FGF12: variants seen among roughly 807,000 people sequenced by gnomAD.
FGF12 encodes the protein fibroblast growth factor 12.
FGF12 carries 14 observed loss-of-function variants against 23.6 expected under a neutral mutation model. That is an observed-to-expected ratio of 0.59 (90% CI 0.39 to 0.93). The LOEUF is 0.93. Ranked by LOEUF, FGF12 falls within the 40% of genes least tolerant of loss-of-function variation. FGF12 has a pLI of 0.00. For synonymous variants in FGF12, 62 were observed against 77.3 expected (o/e 0.80, Z 1.04); for missense variants, 175 against 217.8 (o/e 0.80, Z 1.24).
intron 3 of FGF12, among the ~76,000 whole-genome samples, chr3:192,343,877 C>T (rs1478224898): frequency 2.6e-5 from 4 of 152,090 alleles, no homozygotes; most frequent in African/African-American, 9.7e-5. Flanking sequence ...ATTGTTGTTA[C>T]TGAATTTAAC....
chr3:192,365,552 T>C (rs7651437), intron 2 of FGF12, among the ~76,000 whole-genome samples: 45,220 of 151,802 alleles, frequency 0.3, 8,050 homozygotes, highest in East Asian at 0.63. Flanking sequence ...CTCTGTACTA[T>C]CTTCACATCT....
intron 5 of FGF12, among the ~76,000 whole-genome samples, chr3:192,169,068 T>A (rs930966820): frequency 6.6e-6 from 1 of 152,094 alleles, no homozygotes; most frequent in Non-Finnish European, 1.5e-5. Context: ...AGGCCAGGCA[T>A]GGTGGCTCAC....
rs991146771 is a variant in FGF12, at chr3:192,327,553, T to C, written c.228+7808A>G. Among the ~76,000 whole-genome samples, 8 of 131,706 alleles carry C rather than the reference T, an allele frequency of 6.1e-5. No homozygotes were observed. In the Admixed American group the frequency reaches 6.4e-4, roughly 11 times the overall value. 86.4% of individuals were successfully genotyped at this position (131,706 alleles called of 152,430 possible). A position where few individuals can be genotyped will look rare whatever the true frequency, so the allele number is the denominator to read the frequency against. ...ATAAAAAGTAAACAAATCATCGCTA[T>C]AGTTTGAAAAAAATAAACCTTTTAA... is the stretch of plus-strand genomic sequence containing the variant. On this transcript the variant is annotated intron_variant, in intron 4 of 5. Transcript: ENST00000445105.
chr3:192,193,457 G>T (rs1716906715), intron 4 of FGF12, among the ~76,000 whole-genome samples: 1 of 152,130 alleles, frequency 6.6e-6, no homozygotes, highest in South Asian at 2.1e-4. Flanking sequence ...CCTCAGCAGT[G>T]ATCCAAGTTT....
At chr3:192,213,776 G>A (rs1718053080) in intron 4 of FGF12, among the ~76,000 whole-genome samples, 1 of 152,212 alleles carries the variant, frequency 6.6e-6, no homozygotes, top group African/African-American at 2.4e-5. Flanking sequence ...TCACAGGCCT[G>A]TGATTCAGCC....
chr3:192,446,514 G>C (rs923885723), intron 2 of FGF12, among the ~76,000 whole-genome samples: 1 of 152,234 alleles, frequency 6.6e-6, no homozygotes, highest in Non-Finnish European at 1.5e-5. Flanking sequence ...ATGACAACAT[G>C]TATCAAATTG....
chr3:192,464,483 C>T (rs1722951223), intron 2 of FGF12, among the ~76,000 whole-genome samples: 1 of 147,364 alleles, frequency 6.8e-6, no homozygotes, highest in Non-Finnish European at 1.5e-5. Context: ...CTTTTTAGGG[C>T]TGAGTAGTAT....
In FGF12 at chr3:192,140,090, A is replaced by C. The variant is rs915357522; in HGVS notation, c.*3919T>G. 1 of 152,074 alleles carries C rather than the reference A, an allele frequency of 6.6e-6. No individual in the cohort carries two copies. Among genetic ancestry groups the C allele is most frequent in the Non-Finnish European group, 1.5e-5 (1 of 67,940 alleles). 9.4% of individuals were successfully genotyped at this position (152,074 alleles called of 1,614,324 possible). A position where few individuals can be genotyped will look rare whatever the true frequency, so the allele number is the denominator to read the frequency against. On this transcript the variant is annotated 3_prime_UTR_variant, in exon 6 of 6. Transcript: ENST00000445105. Reference sequence around the variant, plus strand: ...CAATTTGTACCATCATTAGAAATGTACATTAATGTATAAAGTTTTGCATTC... The same window carrying C: ...CAATTTGTACCATCATTAGAAATGTCCATTAATGTATAAAGTTTTGCATTC...
intron 2 of FGF12, among the ~76,000 whole-genome samples, chr3:192,722,105 C>T (rs993731059): frequency 2.0e-5 from 3 of 152,068 alleles, no homozygotes; most frequent in Non-Finnish European, 4.4e-5. Flanking sequence ...TGTGGCAACT[C>T]GGTATTTTAA....
chr3:192,689,250 C>T (rs948112630), intron 2 of FGF12, among the ~76,000 whole-genome samples: 2 of 152,076 alleles, frequency 1.3e-5, no homozygotes, highest in South Asian at 4.1e-4. Context: ...ATGTTCCCAA[C>T]ACATAGAAAT....
chr3:192,245,953 T>C (rs770748433), intron 4 of FGF12, among the ~76,000 whole-genome samples: 42 of 152,196 alleles, frequency 2.8e-4, no homozygotes, highest in Non-Finnish European at 4.4e-4. Flanking sequence ...AAGTTTTAAG[T>C]TCACATTAAA....
intron 2 of FGF12, among the ~76,000 whole-genome samples, chr3:192,590,562 C>A (rs998857911): frequency 1.3e-5 from 2 of 151,766 alleles, no homozygotes; most frequent in African/African-American, 4.8e-5. Context: ...GAATCAAAAA[C>A]CCCATAGAAG....
At chr3:192,298,391 G>C (rs1715160224) in intron 4 of FGF12, among the ~76,000 whole-genome samples, 1 of 152,216 alleles carries the variant, frequency 6.6e-6, no homozygotes, top group Non-Finnish European at 1.5e-5. Flanking sequence ...TCTATTTGGT[G>C]AGTGTCTTAG....
intron 2 of FGF12, among the ~76,000 whole-genome samples, chr3:192,709,493 G>A (rs369528098): frequency 1.1e-4 from 16 of 152,252 alleles, no homozygotes; most frequent in Admixed American, 3.9e-4. Context: ...GGGCTTTTGG[G>A]TGGGGGCTCA....
At chr3:192,351,633 T>A (rs1023204317) in intron 3 of FGF12, among the ~76,000 whole-genome samples, 1 of 152,122 alleles carries the variant, frequency 6.6e-6, no homozygotes, top group African/African-American at 2.4e-5. Flanking sequence ...TGAAACACAT[T>A]TGTAGCTCTT....
chr3:192,525,745 T>C (rs1724926610), intron 2 of FGF12, among the ~76,000 whole-genome samples: 1 of 152,186 alleles, frequency 6.6e-6, no homozygotes, highest in South Asian at 2.1e-4. Flanking sequence ...TGAACTTAAC[T>C]CCATCCATGT....
chr3:192,605,785 T>C (rs1056559200), intron 2 of FGF12, among the ~76,000 whole-genome samples: 2 of 152,104 alleles, frequency 1.3e-5, no homozygotes, highest in Non-Finnish European at 2.9e-5. Flanking sequence ...ACATCACTAA[T>C]TATCAGAGAA....
chr3:192,343,208 G>C (rs1423738550), intron 3 of FGF12, among the ~76,000 whole-genome samples: 1 of 151,350 alleles, frequency 6.6e-6, no homozygotes, highest in Non-Finnish European at 1.5e-5. Context: ...TTCATCCTGT[G>C]ACCCATTAAA....
chr3:192,435,717 T>A (rs1361781893), intron 2 of FGF12, among the ~76,000 whole-genome samples: 1 of 152,208 alleles, frequency 6.6e-6, no homozygotes, highest in Non-Finnish European at 1.5e-5. Flanking sequence ...TTTGCTTTTC[T>A]GATAAAGTAT....
Sources: allele counts gnomAD v4.1 joint callset (sites outside exome capture counted in the v4.1 genomes callset), GRCh38; gene constraint gnomAD v4.1.1; transcripts MANE v1.5; gene names NCBI Gene and HGNC (gene_info 2026-07-23, HGNC 2026-07-21).